The following TRPM6 variants were observed in gnomAD, a reference collection of about 807,000 sequenced individuals.
TRPM6 encodes the protein channel kinase 2.
TRPM6 carries 111 observed loss-of-function variants against 247.6 expected under a neutral mutation model. The ratio of observed to expected loss-of-function variants is 0.45; its 90% CI spans 0.38 to 0.52. The LOEUF is 0.52. Ranked by LOEUF, TRPM6 falls within the 20% of genes least tolerant of loss-of-function variation. The pLI is 0.00. For synonymous variants in TRPM6, 892 were observed against 853.8 expected, an observed-to-expected ratio of 1.04 and a Z score of -0.78; for missense variants, 2,126 against 2,421.5, an observed-to-expected ratio of 0.88 and a Z score of 2.56.
Position 74,859,544 on chromosome 9 carries a change from G to A in TRPM6, c.34-796C>T, listed in dbSNP as rs371556707. ...TCCCAACACTTTGGGAGGCCAAGGC[G>A]GGTGGACCACTTGAAGTCAGGAGTT... On this transcript the variant is annotated intron_variant, in intron 1 of 38. Transcript: ENST00000360774. Among the ~76,000 whole-genome samples, 14 of 152,252 alleles carry A rather than the reference G, an allele frequency of 9.2e-5. No homozygotes were observed. The East Asian group carries it at 1.5e-3, about 17-fold the overall frequency.
chr9:74,828,079 C>A, intron 6 of TRPM6, 130 bp from the exon 7 acceptor site: 1 of 924,116 alleles, frequency 1.1e-6, no homozygotes, highest in East Asian at 2.5e-5. Flanking sequence ...TGCGGCCAGG[C>A]ATGGTGGCTC....
intron 7 of TRPM6, among the ~76,000 whole-genome samples, chr9:74,823,435 T>C (rs1393277877): frequency 6.6e-6 from 1 of 152,226 alleles, no homozygotes. Flanking sequence ...TCTAGACGTA[T>C]AGTATGTGGT....
chr9:74,785,654 C>T (rs1024237964), intron 21 of TRPM6, among the ~76,000 whole-genome samples: 14 of 152,124 alleles, frequency 9.2e-5, no homozygotes, highest in Admixed American at 8.5e-4. Context: ...TCCTGAGTAG[C>T]TGGGACTACA....
chr9:74,795,448 A>T (rs1157650961), intron 18 of TRPM6, among the ~76,000 whole-genome samples: 1 of 152,190 alleles, frequency 6.6e-6, no homozygotes, highest in Non-Finnish European at 1.5e-5. Context: ...CCAGCTTGTC[A>T]CATAACCCTC....
At chr9:74,864,374 C>T (rs1294373482) in intron 1 of TRPM6, among the ~76,000 whole-genome samples, 1 of 152,206 alleles carries the variant, frequency 6.6e-6, no homozygotes, top group Non-Finnish European at 1.5e-5. Context: ...AGCCCATCCA[C>T]TTTCAAGTGT....
chr9:74,756,200 G>A (rs763630824), intron 27 of TRPM6, among the ~76,000 whole-genome samples: 7 of 152,012 alleles, frequency 4.6e-5, no homozygotes, highest in Non-Finnish European at 1.0e-4. Context: ...GAAACTCATG[G>A]CATTTTTCCT....
chr9:74,870,410 G>A (rs918711962), intron 1 of TRPM6, among the ~76,000 whole-genome samples: 10 of 152,078 alleles, frequency 6.6e-5, no homozygotes, highest in Non-Finnish European at 1.3e-4. Flanking sequence ...TGTAACTGGG[G>A]ATCATGGGCA....
At chr9:74,812,740 A>C (rs930339755) in intron 11 of TRPM6, among the ~76,000 whole-genome samples, 1 of 151,994 alleles carries the variant, frequency 6.6e-6, no homozygotes, top group African/African-American at 2.4e-5. Flanking sequence ...AAATACAAAA[A>C]TTAGCCAGGC....
At chr9:74,849,882 T>C (rs1319501948) in intron 3 of TRPM6, among the ~76,000 whole-genome samples, 3 of 152,250 alleles carry the variant, frequency 2.0e-5, no homozygotes, top group Non-Finnish European at 2.9e-5. Flanking sequence ...TGGTCTCTAA[T>C]GCCTTCCATT....
chr9:74,750,564 C>G (rs1005558436), intron 30 of TRPM6, 100 bp downstream of exon 30: 1 of 1,049,846 alleles, frequency 9.5e-7, no homozygotes, highest in African/African-American at 1.6e-5. Context: ...ACACACACTT[C>G]TTTTCTCTCC....
At chr9:74,835,211 TG>T (rs1829684616) in intron 5 of TRPM6, among the ~76,000 whole-genome samples, 1 of 152,220 alleles carries the variant, frequency 6.6e-6, no homozygotes, top group Non-Finnish European at 1.5e-5. Context: ...TTCATGTGTC[TG>T]TTGGCTGCAT....
chr9:74,788,753 G>T lies in TRPM6; in HGVS notation c.2539-11C>A, dbSNP rs780637840. ...TGCCAAATACGCCATCTGTGAGGGG[G>T]ACACACATTCCCCAGATGTGAGTGA... On this transcript the variant is annotated splice_polypyrimidine_tract_variant and intron_variant, in intron 19 of 38. Transcript: ENST00000360774. The T allele has an allele frequency of 1.2e-6, 2 of 1,613,370 alleles. No homozygotes were observed. The highest frequency in any genetic ancestry group is 1.7e-6 in the Non-Finnish European group (2 of 1,179,714).
intron 1 of TRPM6, among the ~76,000 whole-genome samples, chr9:74,877,103 T>C (rs1317982644): frequency 6.6e-6 from 1 of 152,192 alleles, no homozygotes; most frequent in East Asian, 1.9e-4. Flanking sequence ...ACTGGAATTA[T>C]CATGGATTGC....
chr9:74,724,461 C>T lies in TRPM6; in HGVS notation c.*152G>A. The stretch of plus-strand genomic sequence containing the variant: ...TCTAGGAGAACCCATTGATCATATA[C>T]CAATGAGGCCTTTGAACAGAAGGAG... On this transcript the variant is annotated 3_prime_UTR_variant, in exon 39 of 39. Transcript: ENST00000360774. 1 of 1,087,492 alleles carries T rather than the reference C, an allele frequency of 9.2e-7. No homozygotes were observed. Among genetic ancestry groups the T allele is most frequent in the Non-Finnish European group, 1.4e-6 (1 of 723,470 alleles). 67.4% of individuals were successfully genotyped at this position (1,087,492 alleles called of 1,614,324 possible).
At chr9:74,753,363 G>A (rs1826325063) in intron 28 of TRPM6, among the ~76,000 whole-genome samples, 1 of 151,812 alleles carries the variant, frequency 6.6e-6, no homozygotes, top group African/African-American at 2.4e-5. Context: ...ATGATTTTGT[G>A]CTGGAAAAAA....
chr9:74,731,737 C>T (rs901492505), intron 37 of TRPM6, among the ~76,000 whole-genome samples: 1 of 149,412 alleles, frequency 6.7e-6, no homozygotes, highest in African/African-American at 2.4e-5. Context: ...ATAAAACTAC[C>T]ACCCAGGGGT....
intron 25 of TRPM6, among the ~76,000 whole-genome samples, chr9:74,771,246 A>G (rs1230905431): frequency 1.3e-5 from 2 of 152,192 alleles, no homozygotes; most frequent in African/African-American, 4.8e-5. Flanking sequence ...CAGTCCACTC[A>G]ACCCCCAGCT....
intron 18 of TRPM6, 100 bp downstream of exon 18, chr9:74,796,641 T>TA (rs1828109529): frequency 7.8e-7 from 1 of 1,275,680 alleles, no homozygotes; most frequent in Non-Finnish European, 1.1e-6. Flanking sequence ...GCAACATAAC[T>TA]TTTGTTTAAT....
At position 74,762,896 on chromosome 9, in the gene TRPM6, C is replaced by T; in HGVS notation, c.3775G>A (p.Ala1259Thr). The part of the protein sequence containing the change: ...LPHSWSNVIC[A>T]EVLGSMEIAG... ...ATCTCCATGCTGCCTAGAACCTCTGCACAGATGACATTGCTCCAGCTGTGG... is the reference window on the plus strand; with the variant it reads ...ATCTCCATGCTGCCTAGAACCTCTGTACAGATGACATTGCTCCAGCTGTGG... The change falls in exon 26 of 39, where the codon GCA (alanine) becomes ACA (threonine). Residue 1259 changes from alanine (A) to threonine (T), a missense_variant. Physicochemically the swap from Ala to Thr is moderately conservative, Grantham distance 58. This residue lies in a region of TRPM6 where 717 missense variants were observed against 715.9 expected (regional missense o/e 1.00). Transcript: ENST00000360774. 6.2e-7 allele frequency: 1 copy of T among 1,610,380 alleles called. No individual in the cohort carries two copies. The highest frequency in any genetic ancestry group is 8.5e-7 in the Non-Finnish European group (1 of 1,177,492).
Sources: allele counts gnomAD v4.1 joint callset (sites outside exome capture counted in the v4.1 genomes callset), GRCh38; gene constraint gnomAD v4.1.1; regional missense constraint gnomAD v4.1.1; transcripts MANE v1.5; gene names NCBI Gene and HGNC (gene_info 2026-07-23, HGNC 2026-07-21).